Variants in SMG1 observed in about 807,000 individuals in gnomAD.
SMG1 encodes the protein serine/threonine-protein kinase SMG1.
A neutral mutation model predicts 419.9 loss-of-function variants in SMG1; 22 were observed. That is an observed-to-expected ratio of 0.05 (90% CI 0.04 to 0.07). SMG1 has a LOEUF of 0.07. Ranked by LOEUF, SMG1 falls within the 10% of genes least tolerant of loss-of-function variation. The pLI is 1.00. For synonymous variants in SMG1, 1,538 were observed against 1,553.5 expected, an observed-to-expected ratio of 0.99 and a Z score of 0.23; for missense variants, 3,185 against 4,342.0, an observed-to-expected ratio of 0.73 and a Z score of 7.49.
At chr16:18,816,272 G>A (rs2141112229) in intron 58 of SMG1, 30 bp downstream of exon 58, 1 of 1,531,308 alleles carries the variant, frequency 6.5e-7, no homozygotes, top group East Asian at 2.3e-5. Context: ...CAGAGGGAGA[G>A]TAAATGTGTG....
chr16:18,910,781 G>C (rs1425205595), intron 1 of SMG1, among the ~76,000 whole-genome samples: 2 of 152,048 alleles, frequency 1.3e-5, no homozygotes, highest in Non-Finnish European at 2.9e-5. Flanking sequence ...CACATTGGCA[G>C]AATACAACCT....
intron 39 of SMG1, among the ~76,000 whole-genome samples, chr16:18,844,474 T>TACACAC (rs71141074): frequency 9.6e-4 from 4 of 4,170 alleles, no homozygotes; most frequent in Admixed American, 4.9e-3. Flanking sequence ...CCCGCCCACC[T>TACACAC]ACACACACAC....
In SMG1 at chr16:18,837,205, A is replaced by G. The variant is rs367833962; in HGVS notation, c.7604+48T>C. On this transcript the variant is annotated intron_variant, in intron 46 of 62. Transcript: ENST00000446231. ...TATTGATGTTTACATGAATATGAAA[A>G]TTCTAATTAATGGCACATATTTAGA... 1.0e-5 allele frequency: 15 copies of G among 1,462,936 alleles called. No homozygotes were observed. In the African/African-American group the frequency reaches 1.8e-4, roughly 18 times the overall value. The allele number at this position is 1,462,936 out of a possible 1,614,324, so 90.6% of individuals were successfully genotyped here.
chr16:18,810,077 T>A (rs2031236994), intron 62 of SMG1, among the ~76,000 whole-genome samples: 1 of 152,114 alleles, frequency 6.6e-6, no homozygotes, highest in East Asian at 1.9e-4. Flanking sequence ...TTGCTGATGT[T>A]AAAATTGAAT....
chr16:18,820,603 C>T (rs970977874), intron 55 of SMG1, among the ~76,000 whole-genome samples: 1 of 152,146 alleles, frequency 6.6e-6, no homozygotes, highest in African/African-American at 2.4e-5. Flanking sequence ...TTCAGGTGGA[C>T]GCATTCACAT....
In SMG1 at chr16:18,854,762, T is replaced by G. The variant is rs561960100; in HGVS notation, c.4377A>C (p.Ala1459=). The G allele has an allele frequency of 1.2e-5, 19 of 1,614,062 alleles. No individual in the cohort carries two copies. In the East Asian group the frequency reaches 4.0e-4, roughly 34 times the overall value. The change falls in exon 30 of 63, where the codon GCA becomes GCC. Residue 1459 remains alanine (A), a synonymous_variant. Transcript: ENST00000446231. ...TTTTAAAATGTTGGACTAAATCCTGTGCAGTGGTGGTCTTTCCCAGCTGAA... is the reference window on the plus strand; with the variant it reads ...TTTTAAAATGTTGGACTAAATCCTGGGCAGTGGTGGTCTTTCCCAGCTGAA... The part of the protein sequence containing the change: ...SEVQLGKTTT[A]QDLVQHFKKL...
Position 18,866,667 on chromosome 16 carries a change from T to C in SMG1, c.3304A>G (p.Lys1102Glu). The part of the protein sequence containing the change: ...IAVWSSSIVG[K>E]NLLWINSVAQ... ...ACTGAGTTAATCCACAGAAGATTTT[T>C]TCCAACAATAGATGATGACCAGACA... The change falls in exon 23 of 63, where the codon AAA becomes GAA. Residue 1102 changes from lysine (K) to glutamate (E), a missense_variant. This residue lies in a region of SMG1 where 121 missense variants were observed against 125.4 expected (regional missense o/e 0.96). Coordinates refer to ENST00000446231, the MANE Select transcript of SMG1 (RefSeq NM_015092.5). 6.3e-7 allele frequency: 1 copy of C among 1,595,480 alleles called. No individual in the cohort carries two copies. Among genetic ancestry groups the C allele is most frequent in the Non-Finnish European group, 8.5e-7 (1 of 1,177,894 alleles).
At chr16:18,888,762 T>C (rs918527082) in intron 6 of SMG1, among the ~76,000 whole-genome samples, 8 of 150,620 alleles carry the variant, frequency 5.3e-5, no homozygotes, top group East Asian at 4.0e-4. Context: ...GCCACCACGC[T>C]TGGCTGAGGA....
At chr16:18,896,288 T>G (rs943118859) in intron 2 of SMG1, 81 bp from the exon 3 acceptor site, 67 of 1,305,122 alleles carry the variant, frequency 5.1e-5, no homozygotes, top group Admixed American at 1.7e-4. Context: ...AGGATCTTAT[T>G]ACTCAATCTG....
chr16:18,864,824 AC>A (rs2035413851), intron 23 of SMG1, among the ~76,000 whole-genome samples: 1 of 152,110 alleles, frequency 6.6e-6, no homozygotes, highest in Non-Finnish European at 1.5e-5. Flanking sequence ...CCCCCCTCCC[AC>A]AAAAAATGGT....
At chr16:18,855,009 T>A (rs781697206) in intron 29 of SMG1, 105 bp from the exon 30 acceptor site, 46 of 872,464 alleles carry the variant, frequency 5.3e-5, no homozygotes, top group Non-Finnish European at 6.5e-5. Flanking sequence ...CTGCACCACC[T>A]CCTGAAACAA....
At chr16:18,816,914 C>T (rs771795000) in intron 57 of SMG1, among the ~76,000 whole-genome samples, 2 of 152,120 alleles carry the variant, frequency 1.3e-5, no homozygotes, top group African/African-American at 2.4e-5. Flanking sequence ...TACCAACTTG[C>T]TATTTCTGGC....
chr16:18,813,882 T>C (rs1477823086), intron 60 of SMG1, among the ~76,000 whole-genome samples: 4 of 151,698 alleles, frequency 2.6e-5, no homozygotes, highest in Admixed American at 1.3e-4. Context: ...AATACAAAAA[T>C]TAGCAGGGCG....
chr16:18,908,704 C>A (rs868772754), intron 1 of SMG1, among the ~76,000 whole-genome samples: 122 of 151,328 alleles, frequency 8.1e-4, no homozygotes, highest in African/African-American at 2.5e-3. Context: ...ACAGTGAAAC[C>A]CCGTCTCTAC....
At chr16:18,855,120 ATTCAT>A (rs1018873829) in intron 29 of SMG1, among the ~76,000 whole-genome samples, 4 of 152,238 alleles carry the variant, frequency 2.6e-5, no homozygotes, top group African/African-American at 9.6e-5. Context: ...AAGTCAAGTC[ATTCAT>A]TTCAAGAAAT....
At chr16:18,858,012 G>A (rs564238792) in intron 29 of SMG1, 158 bp downstream of exon 29, 1 of 526,252 alleles carries the variant, frequency 1.9e-6, no homozygotes, top group South Asian at 3.4e-5. Context: ...GGGTAAGACG[G>A]TGTTCTGTAT....
chr16:18,844,666 C>G (rs2034155497), intron 39 of SMG1, among the ~76,000 whole-genome samples: 1 of 151,768 alleles, frequency 6.6e-6, no homozygotes, highest in Non-Finnish European at 1.5e-5. Context: ...GCTATTTGCT[C>G]TGAATTTAGC....
intron 13 of SMG1, among the ~76,000 whole-genome samples, chr16:18,874,903 C>CT (rs373817069): frequency 0.51 from 47,643 of 93,960 alleles, 15,130 homozygotes; most frequent in Non-Finnish European, 0.68. Flanking sequence ...AAAAAAAAGC[C>CT]TTTTTTTTTT....
intron 41 of SMG1, among the ~76,000 whole-genome samples, chr16:18,840,629 C>A (rs1049888324): frequency 6.6e-6 from 1 of 152,092 alleles, no homozygotes; most frequent in Non-Finnish European, 1.5e-5. Flanking sequence ...AAATTAAACT[C>A]CTAGTCTAAA....
Sources: allele counts gnomAD v4.1 joint callset (sites outside exome capture counted in the v4.1 genomes callset), GRCh38; gene constraint gnomAD v4.1.1; regional missense constraint gnomAD v4.1.1; transcripts MANE v1.5; gene names NCBI Gene and HGNC (gene_info 2026-07-23, HGNC 2026-07-21).